The following DIAPH3 variants were observed in gnomAD, a reference collection of about 807,000 sequenced individuals.
DIAPH3 encodes protein diaphanous homolog 3.
DIAPH3 carries 117 observed loss-of-function variants against 144.3 expected under a neutral mutation model. The ratio of observed to expected loss-of-function variants is 0.81; its 90% confidence interval spans 0.70 to 0.95. DIAPH3 has a LOEUF of 0.95. DIAPH3 is among the 40% of genes least tolerant of loss of function. The pLI, the probability that DIAPH3 is intolerant of heterozygous loss-of-function variation, is 0.00. For synonymous variants in DIAPH3, 519 were observed against 488.9 expected, an observed-to-expected ratio of 1.06 and a Z score of -0.81; for missense variants, 1,421 against 1,412.7, an observed-to-expected ratio of 1.01 and a Z score of -0.09.
At chr13:60,062,094 G>A (rs1356901459) in intron 4 of DIAPH3, among the ~76,000 whole-genome samples, 3 of 151,934 alleles carry the variant, frequency 2.0e-5, no homozygotes, top group African/African-American at 4.8e-5. Context: ...CTTCTACCTT[G>A]TTTCAGTGAC....
chr13:60,042,629 A>G lies in DIAPH3; in HGVS notation c.626+61T>C, dbSNP rs148179879. ...TTTACCAGGCAAAATGAAAAAAAGT[A>G]TTAAACTAAAAGAACACATTAATGA... On this transcript the variant is annotated intron_variant, in intron 5 of 27. Coordinates refer to ENST00000400324, the MANE Select transcript of DIAPH3 (RefSeq NM_001042517.2). 23 of 1,604,382 alleles carry G rather than the reference A, an allele frequency of 1.4e-5. No individual in the cohort carries two copies. In the African/African-American group the frequency reaches 2.7e-4, roughly 19 times the overall value.
At chr13:59,897,770 G>GA (rs1015100461) in intron 20 of DIAPH3, among the ~76,000 whole-genome samples, 35 of 142,762 alleles carry the variant, frequency 2.5e-4, no homozygotes, top group Admixed American at 6.3e-4. Flanking sequence ...AAAAGAATAA[G>GA]AAAAAAAAAG....
At chr13:60,084,054 A>C (rs2057669208) in intron 4 of DIAPH3, among the ~76,000 whole-genome samples, 1 of 151,830 alleles carries the variant, frequency 6.6e-6, no homozygotes, top group African/African-American at 2.4e-5. Flanking sequence ...AGATAGATAG[A>C]TAGATAGAAA....
chr13:59,834,280 C>G (rs1458297899), intron 23 of DIAPH3, among the ~76,000 whole-genome samples: 4 of 151,682 alleles, frequency 2.6e-5, no homozygotes, highest in African/African-American at 4.8e-5. Flanking sequence ...GAGCATCACT[C>G]ATAATTGCCT....
At chr13:60,023,549 T>G (rs1317775140) in intron 5 of DIAPH3, among the ~76,000 whole-genome samples, 1 of 152,018 alleles carries the variant, frequency 6.6e-6, no homozygotes, top group Non-Finnish European at 1.5e-5. Context: ...TTATCCTGCC[T>G]TAGCCTCCTG....
intron 25 of DIAPH3, among the ~76,000 whole-genome samples, chr13:59,801,615 A>G (rs2039903222): frequency 6.6e-6 from 1 of 152,206 alleles, no homozygotes; most frequent in East Asian, 1.9e-4. Flanking sequence ...TGCTTGCTCT[A>G]AAGACAGTCA....
intron 4 of DIAPH3, among the ~76,000 whole-genome samples, chr13:60,054,838 C>G (rs1408940363): frequency 6.6e-6 from 1 of 151,938 alleles, no homozygotes; most frequent in African/African-American, 2.4e-5. Context: ...AAACACTAAG[C>G]TGTCACTGCT....
At chr13:60,009,850 C>A (rs1160997779) in intron 8 of DIAPH3, among the ~76,000 whole-genome samples, 1 of 152,124 alleles carries the variant, frequency 6.6e-6, no homozygotes, top group Non-Finnish European at 1.5e-5. Flanking sequence ...TCTGTTAGTT[C>A]TTTTGCCTGT....
At chr13:60,121,606 T>C (rs578181775) in intron 2 of DIAPH3, among the ~76,000 whole-genome samples, 7 of 152,004 alleles carry the variant, frequency 4.6e-5, no homozygotes, top group Non-Finnish European at 1.0e-4. Context: ...TCAAAGAACA[T>C]CCAGGTTTCA....
chr13:59,817,848 A>G (rs1026957220), intron 24 of DIAPH3, among the ~76,000 whole-genome samples: 5 of 151,956 alleles, frequency 3.3e-5, no homozygotes, highest in African/African-American at 1.2e-4. Context: ...AAGTTAATTA[A>G]TATCTGTATC....
At chr13:59,992,606 A>G in intron 9 of DIAPH3, 23 bp from the exon 10 acceptor site, 3 of 1,571,496 alleles carry the variant, frequency 1.9e-6, no homozygotes, top group Non-Finnish European at 1.7e-6. Flanking sequence ...AAACAGTGAG[A>G]CAGACTGGGT....
At chr13:59,814,758 C>T (rs889597440) in intron 24 of DIAPH3, among the ~76,000 whole-genome samples, 3 of 152,180 alleles carry the variant, frequency 2.0e-5, no homozygotes, top group African/African-American at 7.2e-5. Flanking sequence ...ATAAACCGCA[C>T]TGCCTCCAAC....
At chr13:59,918,393 C>T (rs1349000138) in intron 18 of DIAPH3, among the ~76,000 whole-genome samples, 8 of 152,102 alleles carry the variant, frequency 5.3e-5, no homozygotes, top group African/African-American at 1.9e-4. Context: ...AGACAGGAAT[C>T]TAACGGTCCT....
chr13:60,008,237 C>CA (rs957690746), intron 9 of DIAPH3, among the ~76,000 whole-genome samples: 154 of 150,930 alleles, frequency 1.0e-3, no homozygotes, highest in African/African-American at 3.3e-3. Flanking sequence ...ACTAAAAATA[C>CA]AAAAAAAAAT....
At chr13:60,136,808 C>T (rs1162126994) in intron 1 of DIAPH3, among the ~76,000 whole-genome samples, 3 of 151,878 alleles carry the variant, frequency 2.0e-5, no homozygotes, top group African/African-American at 4.8e-5. Flanking sequence ...GGCGTGGTGG[C>T]GGGTGCCTGC....
chr13:59,714,438 G>A (rs1479719423), intron 27 of DIAPH3, among the ~76,000 whole-genome samples: 1 of 151,934 alleles, frequency 6.6e-6, no homozygotes, highest in East Asian at 1.9e-4. Context: ...GGGAGGTGAA[G>A]GTGGAAGGAT....
At chr13:59,674,639 T>A (rs965243220) in intron 27 of DIAPH3, among the ~76,000 whole-genome samples, 4 of 152,196 alleles carry the variant, frequency 2.6e-5, no homozygotes, top group African/African-American at 9.7e-5. Context: ...GACTCAAATC[T>A]GCATTTCCAG....
chr13:60,038,937 T>C (rs1479859644), intron 5 of DIAPH3, among the ~76,000 whole-genome samples: 1 of 152,142 alleles, frequency 6.6e-6, no homozygotes, highest in East Asian at 1.9e-4. Flanking sequence ...ATGTATTCCA[T>C]AATTCAAACA....
intron 7 of DIAPH3, among the ~76,000 whole-genome samples, chr13:60,011,628 A>C (rs2053274648): frequency 1.3e-5 from 2 of 152,164 alleles, no homozygotes. Context: ...GACTAGCCAC[A>C]CTTCAAATGC....
Sources: allele counts gnomAD v4.1 joint callset (sites outside exome capture counted in the v4.1 genomes callset), GRCh38; gene constraint gnomAD v4.1.1; transcripts MANE v1.5; gene names NCBI Gene and HGNC (gene_info 2026-07-23, HGNC 2026-07-21).